The following KMT2E variants were observed in gnomAD, a reference collection of about 807,000 sequenced individuals.
KMT2E encodes lysine methyltransferase 2E (inactive), also known as histone reader KMT2E.
Under a neutral mutation model 184.6 loss-of-function variants are expected in KMT2E, and 30 were observed. That is an observed-to-expected ratio of 0.16 (90% CI 0.12 to 0.22). KMT2E has a LOEUF of 0.22. KMT2E is among the 10% of genes least tolerant of loss of function. The probability of loss-of-function intolerance (pLI) is 1.00; values close to 1 mark genes in which losing one functional copy is unlikely to be tolerated. For synonymous variants in KMT2E, 815 were observed against 776.5 expected (o/e 1.05, Z -0.82); for missense variants, 2,023 against 2,237.4 (o/e 0.90, Z 1.93).
At chr7:105,044,340 C>G (rs1389457876) in intron 3 of KMT2E, among the ~76,000 whole-genome samples, 1 of 152,084 alleles carries the variant, frequency 6.6e-6, no homozygotes. Context: ...ATAGTAGGGA[C>G]AATGCAGTTT....
At chr7:105,076,175 A>G in intron 9 of KMT2E, 94 bp downstream of exon 9, 1 of 854,922 alleles carries the variant, frequency 1.2e-6, no homozygotes, top group Non-Finnish European at 1.9e-6. Context: ...TGCTCTGTTT[A>G]TTGTGTGTCA....
intron 3 of KMT2E, among the ~76,000 whole-genome samples, chr7:105,057,334 T>C (rs1278332166): frequency 1.5e-4 from 23 of 152,212 alleles, no homozygotes; most frequent in Admixed American, 1.5e-3. Flanking sequence ...AATGCAGATA[T>C]ATACATGACA....
chr7:105,045,767 A>T (rs548235456), intron 3 of KMT2E, among the ~76,000 whole-genome samples: 2 of 152,284 alleles, frequency 1.3e-5, no homozygotes, highest in Admixed American at 6.5e-5. Flanking sequence ...GTATACAGGT[A>T]TCTGTTTGAC....
chr7:105,080,941 T>C (rs1321639918), intron 12 of KMT2E, among the ~76,000 whole-genome samples: 2 of 152,078 alleles, frequency 1.3e-5, no homozygotes, highest in African/African-American at 4.8e-5. Flanking sequence ...AGGTTGGGGT[T>C]GCAGTGAGCC....
intron 6 of KMT2E, 89 bp from the exon 7 acceptor site, chr7:105,073,530 G>A (rs1797412263): frequency 1.3e-6 from 1 of 790,104 alleles, no homozygotes; most frequent in Non-Finnish European, 2.1e-6. Flanking sequence ...TTTTCACTGA[G>A]AACATTAAAT....
Position 105,113,308 on chromosome 7 carries a change from A to G in KMT2E, c.5552A>G (p.Asn1851Ser). 6.2e-7 allele frequency: 1 copy of G among 1,612,774 alleles called. No individual in the cohort carries two copies. The highest frequency in any genetic ancestry group is 8.5e-7 in the Non-Finnish European group (1 of 1,178,920). The change falls in exon 27 of 27, where the codon AAT (asparagine) becomes AGT (serine). Residue 1851 changes from asparagine (N) to serine (S), a missense_variant. Asn to Ser is a conservative substitution (Grantham distance 46). Transcript: ENST00000311117. ...RAQVPPTFQN[N>S]YHGSGWH Reference sequence around the variant, plus strand: ...CAGGTGCCACCAACATTTCAAAACAATTACCATGGGTCAGGGTGGCATTAA... The same window carrying G: ...CAGGTGCCACCAACATTTCAAAACAGTTACCATGGGTCAGGGTGGCATTAA...
intron 22 of KMT2E, 68 bp from the exon 23 acceptor site, chr7:105,108,872 AAG>A: frequency 1.6e-6 from 2 of 1,274,916 alleles, no homozygotes; most frequent in South Asian, 1.5e-5. Flanking sequence ...TTAGACAAAA[AAG>A]AATGCATTGG....
At chr7:105,061,190 A>G (rs543868136) in intron 3 of KMT2E, among the ~76,000 whole-genome samples, 1 of 152,306 alleles carries the variant, frequency 6.6e-6, no homozygotes, top group East Asian at 1.9e-4. Context: ...ACTGTAAAAA[A>G]TGTTTTTTAT....
intron 3 of KMT2E, among the ~76,000 whole-genome samples, chr7:105,043,323 G>A (rs1241531321): frequency 2.0e-5 from 3 of 147,102 alleles, no homozygotes; most frequent in African/African-American, 2.5e-5. Flanking sequence ...TGCAAGCTCC[G>A]CCTCCCGGGT....
At chr7:105,047,517 T>A (rs1796155508) in intron 3 of KMT2E, among the ~76,000 whole-genome samples, 1 of 152,246 alleles carries the variant, frequency 6.6e-6, no homozygotes, top group African/African-American at 2.4e-5. Context: ...TCTGTATTGT[T>A]AAACTTAATA....
chr7:105,090,690 T>G (rs1223085534), intron 14 of KMT2E, among the ~76,000 whole-genome samples: 2 of 152,176 alleles, frequency 1.3e-5, no homozygotes, highest in Admixed American at 1.3e-4. Flanking sequence ...GAAAATTCAC[T>G]AAGAACATAT....
chr7:105,098,197 G>A (rs1296878126), intron 15 of KMT2E, among the ~76,000 whole-genome samples: 2 of 151,200 alleles, frequency 1.3e-5, no homozygotes, highest in South Asian at 2.1e-4. Context: ...AGAAGAATAG[G>A]GTGATTTTGT....
chr7:105,069,046 C>T (rs1189643970), intron 6 of KMT2E, among the ~76,000 whole-genome samples: 1 of 152,118 alleles, frequency 6.6e-6, no homozygotes, highest in Non-Finnish European at 1.5e-5. Flanking sequence ...AGTGGTACTT[C>T]ATGGCAAAGA....
intron 6 of KMT2E, among the ~76,000 whole-genome samples, chr7:105,069,048 T>C (rs1797172496): frequency 6.6e-6 from 1 of 152,168 alleles, no homozygotes. Flanking sequence ...TGGTACTTCA[T>C]GGCAAAGAAG....
At chr7:105,102,659 T>C (rs1030660508) in intron 17 of KMT2E, 3 of 154,102 alleles carry the variant, frequency 1.9e-5, no homozygotes, top group African/African-American at 7.2e-5. Flanking sequence ...ACTGTCAGAC[T>C]TAAGCAATTA....
intron 3 of KMT2E, among the ~76,000 whole-genome samples, chr7:105,058,956 A>G (rs1276337953): frequency 4.6e-5 from 7 of 152,206 alleles, no homozygotes; most frequent in African/African-American, 1.7e-4. Context: ...CAGTATATGA[A>G]TGAGTATAAA....
Position 105,113,108 on chromosome 7 carries a change from ACATTGTCCATTACCTGTCACAGGTCCT to A in KMT2E, c.5356_5382del (p.Cys1786_His1794del), listed in dbSNP as rs1799400614. The A allele has an allele frequency of 1.9e-6, 3 of 1,614,080 alleles. No individual in the cohort carries two copies. Among genetic ancestry groups the A allele is most frequent in the Non-Finnish European group, 2.5e-6 (3 of 1,180,044 alleles). On this transcript the variant is annotated inframe_deletion, in exon 27 of 27. Coordinates refer to ENST00000311117, the MANE Select transcript of KMT2E (RefSeq NM_182931.3). ...AGCACCAGCCTTCTGGAACAGGGCC[ACATTGTCCATTACCTGTCACAGGTCCT>A]CATCTCCAGCCCCAAGGACCAAACA... is the stretch of plus-strand genomic sequence containing the variant.
rs536506393 is a variant in KMT2E, at chr7:105,061,936, A to G, written c.72-228A>G. 1.7e-5 allele frequency: 6 copies of G among 356,562 alleles called. No individual in the cohort carries two copies. In the South Asian group the frequency reaches 5.0e-4, roughly 29 times the overall value. 22.1% of individuals were successfully genotyped at this position (356,562 alleles called of 1,614,324 possible). A position where few individuals can be genotyped will look rare whatever the true frequency, so the allele number is the denominator to read the frequency against. On this transcript the variant is annotated intron_variant, in intron 3 of 26. Coordinates refer to ENST00000311117, the MANE Select transcript of KMT2E (RefSeq NM_182931.3). ...ATTTTTTTTAATGAGAGAGAGGGAA[A>G]CTATATTTGAAATTGGATTGGGACA...
chr7:105,074,161 A>ATGGAGATTTGGATTGTTTTCATTATTTC lies in KMT2E; in HGVS notation c.557-479_557-452dup, dbSNP rs554110647. On this transcript the variant is annotated intron_variant, in intron 7 of 26. Coordinates refer to ENST00000311117, the MANE Select transcript of KMT2E (RefSeq NM_182931.3). ...TAATTTATTCAACTATTCCTCTTTG[A>ATGGAGATTTGGATTGTTTTCATTATTTC]TGGAGATTTGGATTGTTTTCATTAT... Among the ~76,000 whole-genome samples the ATGGAGATTTGGATTGTTTTCATTATTTC allele has an allele frequency of 2.2e-3, 341 of 152,216 alleles. 1 individual carries two copies. The highest frequency in any genetic ancestry group is 7.5e-3 in the African/African-American group (313 of 41,536).
Sources: allele counts gnomAD v4.1 joint callset (sites outside exome capture counted in the v4.1 genomes callset), GRCh38; gene constraint gnomAD v4.1.1; transcripts MANE v1.5; gene names NCBI Gene and HGNC (gene_info 2026-07-23, HGNC 2026-07-21).